The following DCX variants were observed in gnomAD, a reference collection of about 807,000 sequenced individuals.
DCX encodes doublecortin.
In DCX, 4 loss-of-function variants were observed where a neutral mutation model predicts 20.9. That is an observed-to-expected ratio of 0.19 (90% CI 0.09 to 0.44). DCX has a LOEUF of 0.44. Ranked by LOEUF, DCX falls within the 20% of genes least tolerant of loss-of-function variation. The pLI is 0.99. For missense variants in DCX, 133 were observed against 296.9 expected, an observed-to-expected ratio of 0.45 and a Z score of 4.06; for synonymous variants, 103 against 111.4, an observed-to-expected ratio of 0.92 and a Z score of 0.47.
chrX:111,405,715 AAAAC>A (rs2147269133), intron 2 of DCX, among the ~76,000 whole-genome samples: 1 of 111,685 alleles, frequency 9.0e-6, no homozygotes, highest in Non-Finnish European at 1.9e-5. Flanking sequence ...AATAATAAAA[AAAAC>A]AAAGACATGA....
At chrX:111,349,162 A>T (rs917026671) in intron 3 of DCX, among the ~76,000 whole-genome samples, 4 of 111,640 alleles carry the variant, frequency 3.6e-5, no homozygotes, top group Non-Finnish European at 7.5e-5. Context: ...TTGTCTATAG[A>T]TCCCAAATTA....
chrX:111,306,551 G>C (rs1486308123), intron 6 of DCX, among the ~76,000 whole-genome samples: 1 of 110,824 alleles, frequency 9.0e-6, no homozygotes, highest in East Asian at 2.8e-4. Context: ...GTAAATAGAG[G>C]ACTTGAATAA....
intron 3 of DCX, among the ~76,000 whole-genome samples, chrX:111,357,456 G>C (rs919830777): frequency 8.1e-5 from 9 of 111,726 alleles, no homozygotes; most frequent in Non-Finnish European, 1.1e-4. Flanking sequence ...ATTTCAATGA[G>C]AGGAATTCTA....
At chrX:111,317,704 G>T (rs970522582) in intron 5 of DCX, among the ~76,000 whole-genome samples, 1 of 111,728 alleles carries the variant, frequency 9.0e-6, no homozygotes, top group Non-Finnish European at 1.9e-5. Flanking sequence ...AGGAACTTAA[G>T]CAAATTTACA....
chrX:111,341,414 G>T (rs921871370), intron 3 of DCX, among the ~76,000 whole-genome samples: 1 of 111,132 alleles, frequency 9.0e-6, no homozygotes, highest in African/African-American at 3.3e-5. Context: ...GTACATAAAG[G>T]AGACAGGGAG....
intron 3 of DCX, among the ~76,000 whole-genome samples, chrX:111,348,607 C>G (rs912782644): frequency 2.7e-5 from 3 of 110,495 alleles, no homozygotes; most frequent in Non-Finnish European, 5.7e-5. Context: ...GAAACAGAGA[C>G]GAGACAGAAC....
At chrX:111,411,085 C>T in intron 1 of DCX, 3 of 673,972 alleles carry the variant, frequency 4.5e-6, no homozygotes, top group Non-Finnish European at 7.1e-6. Flanking sequence ...TGTCTTTGTG[C>T]TATTCATCAA....
chrX:111,387,512 C>G (rs1260263572), intron 3 of DCX, among the ~76,000 whole-genome samples: 1 of 111,594 alleles, frequency 9.0e-6, no homozygotes, highest in Non-Finnish European at 1.9e-5. Context: ...AACATCAATT[C>G]CCAACAGGAG....
intron 5 of DCX, among the ~76,000 whole-genome samples, chrX:111,323,436 C>A (rs1274668888): frequency 9.0e-6 from 1 of 110,719 alleles, no homozygotes; most frequent in African/African-American, 3.3e-5. Context: ...ATATTACTAC[C>A]ACCACTACTA....
intron 3 of DCX, among the ~76,000 whole-genome samples, chrX:111,378,954 G>A (rs186692648): frequency 9.0e-6 from 1 of 111,716 alleles, no homozygotes; most frequent in East Asian, 2.9e-4. Context: ...TGCCATGTGA[G>A]GACAGTCTTC....
At chrX:111,343,446 GAAA>G (rs371125870) in intron 3 of DCX, among the ~76,000 whole-genome samples, 21 of 47,590 alleles carry the variant, frequency 4.4e-4, no homozygotes, top group African/African-American at 1.3e-3. Flanking sequence ...TACCAACCAA[GAAA>G]AAAAAAAAAA....
At chrX:111,326,928 C>T (rs2095100790) in intron 5 of DCX, among the ~76,000 whole-genome samples, 1 of 111,723 alleles carries the variant, frequency 9.0e-6, no homozygotes, top group Admixed American at 9.5e-5. Flanking sequence ...CAGAATGAAC[C>T]TAGCTATTAA....
intron 3 of DCX, 77 bp downstream of exon 3, chrX:111,400,913 G>A: frequency 2.2e-5 from 21 of 936,858 alleles, no homozygotes; most frequent in Non-Finnish European, 3.2e-5. Flanking sequence ...CCGTCAACAA[G>A]AAATGATATT....
chrX:111,310,670 A>G (rs1307702992), intron 6 of DCX, among the ~76,000 whole-genome samples: 2 of 112,343 alleles, frequency 1.8e-5, no homozygotes, highest in African/African-American at 6.5e-5. Context: ...TGCTTGCTTA[A>G]CTGTCTTTAA....
intron 5 of DCX, among the ~76,000 whole-genome samples, chrX:111,318,613 C>T: frequency 9.0e-6 from 1 of 110,816 alleles, no homozygotes; most frequent in South Asian, 3.9e-4. Flanking sequence ...AACTATGCAG[C>T]CATGAAAAAG....
rs1317877575 is a variant in DCX, at chrX:111,296,687, G to T, written c.*5000C>A. ...GAGGCAGGAGAATCGCTTCGACCTG[G>T]GAGGTGAAGGGTGAAGGTTGCAGCG... On this transcript the variant is annotated 3_prime_UTR_variant, in exon 7 of 7. Transcript: ENST00000636035. 9.2e-6 allele frequency: 1 copy of T among 109,021 alleles called. No individual in the cohort carries two copies. The highest frequency in any genetic ancestry group is 1.9e-5 in the Non-Finnish European group (1 of 52,451). The allele number at this position is 109,021 out of a possible 1,213,427, so 9.0% of individuals were successfully genotyped here.
intron 3 of DCX, among the ~76,000 whole-genome samples, chrX:111,368,437 G>A (rs1050231814): frequency 5.4e-5 from 6 of 111,616 alleles, no homozygotes; most frequent in Middle Eastern, 4.6e-3. Context: ...TCCAGAACGC[G>A]GGGGTAGTGC....
At chrX:111,377,679 G>A (rs755450101) in intron 3 of DCX, among the ~76,000 whole-genome samples, 23 of 111,337 alleles carry the variant, frequency 2.1e-4, no homozygotes, top group South Asian at 3.9e-4. Flanking sequence ...AAATACTCTG[G>A]ATGGTGCACA....
At chrX:111,370,641 C>A (rs924066620) in intron 3 of DCX, among the ~76,000 whole-genome samples, 4 of 110,910 alleles carry the variant, frequency 3.6e-5, no homozygotes, top group African/African-American at 1.3e-4. Context: ...GCTCTCAGTT[C>A]GGAACTGGCT....
Sources: allele counts gnomAD v4.1 joint callset (sites outside exome capture counted in the v4.1 genomes callset), GRCh38; gene constraint gnomAD v4.1.1; transcripts MANE v1.5; gene names NCBI Gene and HGNC (gene_info 2026-07-23, HGNC 2026-07-21).